CMTM4: variants seen among roughly 807,000 people sequenced by gnomAD.
The protein encoded by CMTM4 is CKLF-like MARVEL transmembrane domain-containing protein 4.
A neutral mutation model predicts 19.0 loss-of-function variants in CMTM4; 8 were observed. The ratio of observed to expected loss-of-function variants is 0.42; its 90% CI spans 0.25 to 0.76. The LOEUF (loss-of-function observed/expected upper bound fraction) is 0.76. CMTM4 is among the 30% of genes least tolerant of loss of function. The probability of loss-of-function intolerance (pLI) is 0.27; values close to 1 mark genes in which losing one functional copy is unlikely to be tolerated. For missense variants in CMTM4, 228 were observed against 290.2 expected (o/e 0.79, Z 1.56); for synonymous variants, 106 against 121.1 (o/e 0.88, Z 0.82).
chr16:66,658,981 G>C (rs149740029), intron 1 of CMTM4, among the ~76,000 whole-genome samples: 3 of 152,044 alleles, frequency 2.0e-5, no homozygotes, highest in Non-Finnish European at 4.4e-5. Context: ...GAAGCCAGCA[G>C]ACCTGAGACA....
chr16:66,620,289 A>G lies in CMTM4; in HGVS notation c.*1769T>C. 5.1e-6 allele frequency: 5 copies of G among 985,402 alleles called. No homozygotes were observed. The highest frequency in any genetic ancestry group is 6.0e-6 in the Non-Finnish European group (5 of 829,936). 61.0% of individuals were successfully genotyped at this position (985,402 alleles called of 1,614,324 possible). Reference sequence around the variant, plus strand: ...ACACTCAACAGACCTGACAGGCAGCACACCCAGCTGTGAGCTGGCCTGGCT... The same window carrying G: ...ACACTCAACAGACCTGACAGGCAGCGCACCCAGCTGTGAGCTGGCCTGGCT... On this transcript the variant is annotated 3_prime_UTR_variant, in exon 4 of 4. Coordinates refer to ENST00000394106, the MANE Select transcript of CMTM4 (RefSeq NM_181521.3).
At chr16:66,692,475 T>TG (rs1239369637) in intron 1 of CMTM4, among the ~76,000 whole-genome samples, 1 of 152,234 alleles carries the variant, frequency 6.6e-6, no homozygotes, top group Non-Finnish European at 1.5e-5. Flanking sequence ...TAAATGCAGA[T>TG]GACTCAGAAG....
At chr16:66,653,272 A>G (rs532551267) in intron 1 of CMTM4, among the ~76,000 whole-genome samples, 1 of 152,328 alleles carries the variant, frequency 6.6e-6, no homozygotes, top group South Asian at 2.1e-4. Flanking sequence ...TTTTTGCTAA[A>G]GATTGATTTC....
intron 1 of CMTM4, among the ~76,000 whole-genome samples, chr16:66,673,986 G>T (rs562357768): frequency 6.6e-6 from 1 of 152,220 alleles, no homozygotes; most frequent in South Asian, 2.1e-4. Flanking sequence ...TCAGAGCAAG[G>T]CAGCCAGTGC....
In CMTM4 at chr16:66,622,018, C is replaced by T; in HGVS notation, c.*40G>A. On this transcript the variant is annotated 3_prime_UTR_variant, in exon 4 of 4. Coordinates refer to ENST00000394106, the MANE Select transcript of CMTM4 (RefSeq NM_181521.3). The surrounding 1 kb of genome is among the most constrained non-coding windows in gnomAD (Gnocchi z 4.0). ...AGGGAAAGAAAACTTGACTGAGAGACAGGCACGAGGACGGGAGGGAGGAGG... is the reference window on the plus strand; with the variant it reads ...AGGGAAAGAAAACTTGACTGAGAGATAGGCACGAGGACGGGAGGGAGGAGG... 6.5e-7 allele frequency: 1 copy of T among 1,529,200 alleles called. No individual in the cohort carries two copies. The highest frequency in any genetic ancestry group is 8.8e-7 in the Non-Finnish European group (1 of 1,130,530). The allele number at this position is 1,529,200 out of a possible 1,614,324, so 94.7% of individuals were successfully genotyped here.
At position 66,623,406 on chromosome 16, in the gene CMTM4, C is replaced by A; in HGVS notation, c.460G>T (p.Val154Leu). Reference sequence around the variant, plus strand: ...TTTAACCATTTGAGTTTGCTTACCACGGCAGCAATTTCTGCTCCGGCTCTA... The same window carrying A: ...TTTAACCATTTGAGTTTGCTTACCAAGGCAGCAATTTCTGCTCCGGCTCTA... ...NHRAGAEIAA[V>L]IFGFLATAAY... is the part of the protein sequence containing the mutation. Residue 154 changes from valine to leucine, a missense_variant and splice_region_variant, in exon 3 of 4, where the codon GTG (valine) becomes TTG (leucine). Transcript: ENST00000394106. 3 of 1,611,596 alleles carry A rather than the reference C, an allele frequency of 1.9e-6. No homozygotes were observed. The highest frequency in any genetic ancestry group is 2.5e-6 in the Non-Finnish European group (3 of 1,178,864).
chr16:66,631,742 TAA>T (rs1210998294), intron 2 of CMTM4, among the ~76,000 whole-genome samples: 1 of 152,014 alleles, frequency 6.6e-6, no homozygotes, highest in Non-Finnish European at 1.5e-5. Flanking sequence ...ACATGCTCCT[TAA>T]GAGTCATCAC....
the CMTM4 span, among the ~76,000 whole-genome samples, chr16:66,600,696 T>C: frequency 6.6e-6 from 1 of 151,880 alleles, no homozygotes; most frequent in African/African-American, 2.4e-5. Context: ...CTGTTATCTA[T>C]TACCAGGAAC....
At chr16:66,608,203 C>T in the CMTM4 span, 2 of 1,276,054 alleles carry the variant, frequency 1.6e-6, no homozygotes, top group Non-Finnish European at 1.1e-6. The surrounding 1 kb of genome is among the most constrained non-coding windows in gnomAD (Gnocchi z 5.1). Flanking sequence ...CAGTTGGCTT[C>T]CCCTGCTGGA....
chr16:66,609,270 AC>A, the CMTM4 span: 87 of 616,822 alleles, frequency 1.4e-4, no homozygotes, highest in African/African-American at 1.5e-3. The surrounding 1 kb of genome is among the most constrained non-coding windows in gnomAD (Gnocchi z 4.4). Context: ...CAGCAGAGGC[AC>A]CTCGGGGGTG....
intron 2 of CMTM4, among the ~76,000 whole-genome samples, chr16:66,625,712 G>A (rs2015725422): frequency 6.6e-6 from 1 of 152,214 alleles, no homozygotes; most frequent in South Asian, 2.1e-4. Flanking sequence ...TAACATATCT[G>A]CCTCCTCAAA....
At chr16:66,671,935 A>G (rs1435371141) in intron 1 of CMTM4, among the ~76,000 whole-genome samples, 1 of 152,092 alleles carries the variant, frequency 6.6e-6, no homozygotes, top group African/African-American at 2.4e-5. Context: ...GGAGACTTAC[A>G]GAGGATCACT....
chr16:66,611,350 G>A (rs1032277253), downstream of CMTM4, among the ~76,000 whole-genome samples: 6 of 152,274 alleles, frequency 3.9e-5, no homozygotes, highest in Admixed American at 2.0e-4. Context: ...CTACTTGGGA[G>A]GCTGAGGCAG....
downstream of CMTM4, among the ~76,000 whole-genome samples, chr16:66,614,062 C>A (rs2015480138): frequency 6.6e-6 from 1 of 152,178 alleles, no homozygotes; most frequent in Admixed American, 6.5e-5. This position sits in a 1 kb window ranked among gnomAD's most constrained non-coding sequence, Gnocchi z 4.9. Flanking sequence ...AAGGAGCACA[C>A]AACCTAGATC....
chr16:66,637,907 T>G (rs2016027288), intron 1 of CMTM4, among the ~76,000 whole-genome samples: 1 of 152,210 alleles, frequency 6.6e-6, no homozygotes, highest in South Asian at 2.1e-4. Context: ...AAATGCAGAA[T>G]CTCTGCTTCC....
chr16:66,603,550 G>C, the CMTM4 span, among the ~76,000 whole-genome samples: 1 of 152,102 alleles, frequency 6.6e-6, no homozygotes, highest in Non-Finnish European at 1.5e-5. Flanking sequence ...GCCTCCCAAC[G>C]TGCTGGGATT....
At chr16:66,685,810 A>AC (rs2017020338) in intron 1 of CMTM4, among the ~76,000 whole-genome samples, 1 of 152,080 alleles carries the variant, frequency 6.6e-6, no homozygotes. Flanking sequence ...CACCCGGATA[A>AC]TTTTTTGTAT....
chr16:66,606,076 A>G, the CMTM4 span, among the ~76,000 whole-genome samples: 3,158 of 150,088 alleles, frequency 0.021, 134 homozygotes, highest in African/African-American at 0.071. Context: ...TATGTCCAGC[A>G]GGAGCATAGA....
the CMTM4 span, among the ~76,000 whole-genome samples, chr16:66,601,103 G>C: frequency 1.4e-5 from 2 of 146,044 alleles, no homozygotes; most frequent in South Asian, 2.2e-4. Flanking sequence ...GTGTGTGTGT[G>C]TGTCTGTGTG....
Sources: gnomAD v4.1 joint callset for allele counts (sites outside exome capture counted in the v4.1 genomes callset) on GRCh38, gnomAD v4.1.1 for gene constraint, Gnocchi (gnomAD v3.1) non-coding constraint, MANE v1.5 for transcripts, NCBI Gene and HGNC (gene_info 2026-07-23, HGNC 2026-07-21) for gene names.